NCLN: variants seen among roughly 807,000 people sequenced by gnomAD.
NCLN encodes nicalin, also known as BOS complex subunit NCLN.
A neutral mutation model predicts 69.5 loss-of-function variants in NCLN; 34 were observed. The observed-to-expected ratio is 0.49, with a 90% CI of 0.37 to 0.65. The LOEUF (loss-of-function observed/expected upper bound fraction) is 0.65, where lower values mean the gene tolerates loss of function less well. NCLN is among the 30% of genes least tolerant of loss of function. NCLN has a pLI of 0.00. For synonymous variants in NCLN, 393 were observed against 358.3 expected, an observed-to-expected ratio of 1.10 and a Z score of -1.09; for missense variants, 710 against 804.8, an observed-to-expected ratio of 0.88 and a Z score of 1.42.
chr19:3,195,146 C>A (rs1475786052), intron 3 of NCLN, among the ~76,000 whole-genome samples: 1 of 149,882 alleles, frequency 6.7e-6, no homozygotes, highest in African/African-American at 2.5e-5. Flanking sequence ...CTTGCCATTG[C>A]ACTCCAGCCC....
At chr19:3,199,922 G>C (rs1003153017) in intron 5 of NCLN, among the ~76,000 whole-genome samples, 4 of 151,792 alleles carry the variant, frequency 2.6e-5, no homozygotes, top group South Asian at 2.1e-4. Flanking sequence ...GGATGGTCTC[G>C]ATCTCCTGAC....
chr19:3,207,369 AG>A, intron 13 of NCLN, 21 bp from the exon 14 acceptor site: 1 of 1,612,994 alleles, frequency 6.2e-7, no homozygotes. Flanking sequence ...CCTCGACCTC[AG>A]GGACCCTGCT....
In NCLN at chr19:3,205,534, G is replaced by A. The variant is rs988371617; in HGVS notation, c.1209-405G>A. ...TGCCAGGAAATGAGGGTGGGTGCAC[G>A]GCTGTCCCAGCTGTGCTGAGCTCTC... On this transcript the variant is annotated intron_variant, in intron 9 of 14. Transcript: ENST00000246117. This position sits in a 1 kb window ranked among gnomAD's most constrained non-coding sequence, Gnocchi z 4.6. Among the ~76,000 whole-genome samples the A allele has an allele frequency of 2.0e-5, 3 of 152,228 alleles. No homozygotes were observed. The highest frequency in any genetic ancestry group is 3.8e-4 in the East Asian group (2 of 5,198).
intron 8 of NCLN, 116 bp from the exon 9 acceptor site, chr19:3,204,457 A>T: frequency 3.4e-6 from 4 of 1,179,920 alleles, no homozygotes; most frequent in Non-Finnish European, 4.6e-6. Flanking sequence ...GGGCAGGTGG[A>T]TTTCTCCTCA....
At chr19:3,196,069 C>T (rs1406517597) in intron 3 of NCLN, 114 bp from the exon 4 acceptor site, 4 of 598,324 alleles carry the variant, frequency 6.7e-6, no homozygotes, top group Non-Finnish European at 8.6e-6. Flanking sequence ...CACGTCCCCA[C>T]ACCCGGCTGG....
rs1478971666 is a variant in NCLN at position 3,206,436 on chromosome 19, G to A, written c.1499+11G>A. The A allele has an allele frequency of 3.9e-6, 6 of 1,543,016 alleles. No individual in the cohort carries two copies. Among genetic ancestry groups the A allele is most frequent in the African/African-American group, 2.7e-5 (2 of 72,962 alleles). On this transcript the variant is annotated intron_variant, in intron 12 of 14. Transcript: ENST00000246117. The stretch of plus-strand genomic sequence containing the variant: ...CAAGGCTGACAAGCGGTGAGGCTGG[G>A]GCTCCGCGCTGGCCCCGTTCAGCCT...
intron 4 of NCLN, 61 bp from the exon 5 acceptor site, chr19:3,198,756 C>G: frequency 7.0e-7 from 1 of 1,419,146 alleles, no homozygotes; most frequent in Non-Finnish European, 9.6e-7. Context: ...GTCTCCAAGC[C>G]CCACACACGG....
chr19:3,201,690 A>G, intron 6 of NCLN, 64 bp downstream of exon 6: 2 of 1,299,866 alleles, frequency 1.5e-6, no homozygotes, highest in Middle Eastern at 2.6e-4. Flanking sequence ...AGCGCTGCCC[A>G]CCAGGCACCT....
Position 3,205,892 on chromosome 19 carries a change from C to A in NCLN, c.1209-47C>A. 6.3e-7 allele frequency: 1 copy of A among 1,582,838 alleles called. No individual in the cohort carries two copies. The highest frequency in any genetic ancestry group is 8.7e-7 in the Non-Finnish European group (1 of 1,152,750). ...GATTACAAGTGTGAGAGCTACCTTGCCTGGCCCAAAGTCCACATTTTAAAA... is the reference window on the plus strand; with the variant it reads ...GATTACAAGTGTGAGAGCTACCTTGACTGGCCCAAAGTCCACATTTTAAAA... On this transcript the variant is annotated intron_variant, in intron 9 of 14. Transcript: ENST00000246117. This position sits in a 1 kb window ranked among gnomAD's most constrained non-coding sequence, Gnocchi z 4.6.
intron 1 of NCLN, among the ~76,000 whole-genome samples, chr19:3,187,538 C>T (rs1292814884): frequency 1.3e-5 from 2 of 152,242 alleles, no homozygotes; most frequent in Admixed American, 6.5e-5. Flanking sequence ...ACTTTGGCCT[C>T]AGGTCCCATT....
chr19:3,196,976 T>C (rs1388593078), intron 4 of NCLN, among the ~76,000 whole-genome samples: 2 of 152,190 alleles, frequency 1.3e-5, no homozygotes, highest in Non-Finnish European at 2.9e-5. Flanking sequence ...CAGGCCTTGT[T>C]GGGGGGTGCC....
intron 3 of NCLN, among the ~76,000 whole-genome samples, chr19:3,194,359 G>A (rs959180849): frequency 1.3e-5 from 2 of 152,146 alleles, no homozygotes; most frequent in Non-Finnish European, 2.9e-5. Context: ...CTCCAGCCTG[G>A]GCAACAAGAG....
At position 3,192,667 on chromosome 19, in the gene NCLN, G is replaced by C; in HGVS notation, c.375+7G>C. The C allele has an allele frequency of 6.5e-7, 1 of 1,544,444 alleles. No homozygotes were observed. Among genetic ancestry groups the C allele is most frequent in the Admixed American group, 2.0e-5 (1 of 50,878 alleles). On this transcript the variant is annotated splice_region_variant and intron_variant, in intron 2 of 14. Transcript: ENST00000246117. Reference sequence around the variant, plus strand: ...GCCCCAGGACGTCGTCCGGGTGAGCGTCTGCCCTGCCCCGCCCGGCTCAGG... The same window carrying C: ...GCCCCAGGACGTCGTCCGGGTGAGCCTCTGCCCTGCCCCGCCCGGCTCAGG...
chr19:3,196,848 C>T (rs1252218380), intron 4 of NCLN, among the ~76,000 whole-genome samples: 2 of 152,240 alleles, frequency 1.3e-5, no homozygotes, highest in African/African-American at 4.8e-5. Flanking sequence ...CCACCGACTC[C>T]TCTAGCATTT....
In NCLN at chr19:3,189,721, C is replaced by T. The variant is rs75972710; in HGVS notation, c.185-2749C>T. Among the ~76,000 whole-genome samples, 376 of 152,366 alleles carry T rather than the reference C, an allele frequency of 2.5e-3. 1 individual carries two copies. Among genetic ancestry groups the T allele is most frequent in the African/African-American group, 8.6e-3 (359 of 41,592 alleles). ...CCGTGTCCACACTAGCTTGTGGCCACCCGGCCCGACCCTGGCCCTCGAGGG... is the reference window on the plus strand; with the variant it reads ...CCGTGTCCACACTAGCTTGTGGCCATCCGGCCCGACCCTGGCCCTCGAGGG... On this transcript the variant is annotated intron_variant, in intron 1 of 14. Transcript: ENST00000246117.
intron 1 of NCLN, among the ~76,000 whole-genome samples, chr19:3,188,297 C>T (rs567425866): frequency 4.6e-5 from 7 of 151,564 alleles, no homozygotes; most frequent in African/African-American, 1.7e-4. Context: ...ATGTTGGCGG[C>T]TCCCTACACT....
rs576276428 is a variant in NCLN at position 3,188,052 on chromosome 19, G to A, written c.184+1838G>A. Among the ~76,000 whole-genome samples, 10 of 152,176 alleles carry A rather than the reference G, an allele frequency of 6.6e-5. No homozygotes were observed. In the South Asian group the frequency reaches 8.3e-4, roughly 13 times the overall value. On this transcript the variant is annotated intron_variant, in intron 1 of 14. Transcript: ENST00000246117. ...GGGTAATAAACGCAAGTAGCCACGC[G>A]TGCCTGCGGCTCTCATAGCGGCTTC... is the stretch of plus-strand genomic sequence containing the variant.
intron 1 of NCLN, among the ~76,000 whole-genome samples, chr19:3,186,839 A>T (rs1190793590): frequency 6.7e-6 from 1 of 149,232 alleles, no homozygotes; most frequent in African/African-American, 2.5e-5. Context: ...TGCCAAGTGC[A>T]TTTTGTCCAG....
intron 1 of NCLN, among the ~76,000 whole-genome samples, chr19:3,188,647 C>G (rs1490240339): frequency 6.6e-6 from 1 of 152,308 alleles, no homozygotes. Context: ...CTCCCCTGTA[C>G]CCTCCTCCCT....
Sources: allele counts gnomAD v4.1 joint callset (sites outside exome capture counted in the v4.1 genomes callset), GRCh38; gene constraint gnomAD v4.1.1; non-coding constraint Gnocchi (gnomAD v3.1); transcripts MANE v1.5; gene names NCBI Gene and HGNC (gene_info 2026-07-23, HGNC 2026-07-21).